Variants in RPL22 observed in about 807,000 individuals in gnomAD.
RPL22 encodes large ribosomal subunit protein eL22.
In RPL22, 4 loss-of-function variants were observed where a neutral mutation model predicts 16.2. The ratio of observed to expected loss-of-function variants is 0.25; its 90% CI spans 0.12 to 0.57. RPL22 has a LOEUF of 0.57. RPL22 is among the 20% of genes least tolerant of loss of function. The pLI, the probability that RPL22 is intolerant of heterozygous loss-of-function variation, is 0.92. For missense variants in RPL22, 83 were observed against 156.1 expected (o/e 0.53, Z 2.49); for synonymous variants, 43 against 54.8 (o/e 0.78, Z 0.95).
intron 2 of RPL22, among the ~76,000 whole-genome samples, chr1:6,194,132 G>T (rs1251024952): frequency 1.3e-5 from 2 of 151,860 alleles, no homozygotes; most frequent in Non-Finnish European, 1.5e-5. Flanking sequence ...CTTGAGCCCA[G>T]GAGGCGGAGG....
chr1:6,199,182 C>T (rs1041078059), intron 1 of RPL22: 2 of 241,704 alleles, frequency 8.3e-6, no homozygotes, highest in Admixed American at 5.6e-5. Flanking sequence ...CGTGGACTTC[C>T]GAATGCGCGG....
Position 6,186,128 on chromosome 1 carries a change from ACAGT to A in RPL22, c.*540_*543del, listed in dbSNP as rs1428436780. 4.3e-6 allele frequency: 1 copy of A among 232,788 alleles called. No homozygotes were observed. Among genetic ancestry groups the A allele is most frequent in the African/African-American group, 2.2e-5 (1 of 45,304 alleles). 14.4% of individuals were successfully genotyped at this position (232,788 alleles called of 1,614,324 possible). A position where few individuals can be genotyped will look rare whatever the true frequency, so the allele number is the denominator to read the frequency against. On this transcript the variant is annotated 3_prime_UTR_variant, in exon 4 of 4. Coordinates refer to ENST00000234875, the MANE Select transcript of RPL22 (RefSeq NM_000983.4). The stretch of plus-strand genomic sequence containing the variant: ...TTTATGGCAGCAACACTGAAGGAGC[ACAGT>A]TTCTCTCTCTAGGAAGAAGAGGATT...
intron 1 of RPL22, chr1:6,199,342 C>G (rs568001525): frequency 3.1e-5 from 40 of 1,288,506 alleles, no homozygotes; most frequent in Admixed American, 3.1e-4. Flanking sequence ...CCCGGGCCTC[C>G]GAGACCTCCC....
chr1:6,196,471 G>T (rs1290422331), intron 2 of RPL22, among the ~76,000 whole-genome samples: 4 of 152,196 alleles, frequency 2.6e-5, no homozygotes, highest in African/African-American at 9.6e-5. Flanking sequence ...TTCCATTCTG[G>T]ATAATTCGTG....
Position 6,185,617 on chromosome 1 carries a change from A to C in RPL22, c.*1055T>G, listed in dbSNP as rs1398408151. On this transcript the variant is annotated 3_prime_UTR_variant, in exon 4 of 4. Transcript: ENST00000234875. The stretch of plus-strand genomic sequence containing the variant: ...TAAAAACATGAATTTTAGACACCGT[A>C]AATTCTAATGCAGACACTTTTGCAT... The C allele has an allele frequency of 8.1e-6, 3 of 369,294 alleles. No homozygotes were observed. In the East Asian group the frequency reaches 1.2e-4, roughly 14 times the overall value. The allele number at this position is 369,294 out of a possible 1,614,324, so 22.9% of individuals were successfully genotyped here.
At position 6,185,153 on chromosome 1, in the gene RPL22, C is replaced by T. The variant is rs936638754; in HGVS notation, c.*1519G>A. On this transcript the variant is annotated 3_prime_UTR_variant, in exon 4 of 4. Transcript: ENST00000234875. ...AAGTTTTCAAATCTGGGACTAGTTT[C>T]TTTTTTTCTTTTAACTGAAATGCCA... The T allele has an allele frequency of 2.5e-6, 1 of 394,822 alleles. No individual in the cohort carries two copies. The highest frequency in any genetic ancestry group is 4.4e-5 in the Admixed American group (1 of 22,628). The allele number at this position is 394,822 out of a possible 1,614,324, so 24.5% of individuals were successfully genotyped here.
At chr1:6,195,384 G>T (rs377622568) in intron 2 of RPL22, among the ~76,000 whole-genome samples, 1 of 149,388 alleles carries the variant, frequency 6.7e-6, no homozygotes, top group Non-Finnish European at 1.5e-5. Flanking sequence ...GGCGGAGCTT[G>T]CAGTGAGCCG....
Position 6,192,995 on chromosome 1 carries a change from C to T in RPL22, c.177G>A (p.Gly59=). ...TCTTGCTCCTTTCGATGGTCACCAC[C>T]CCTCCACCAAGGTTCCCAGCTTTTC... ...VNGKAGNLGG[G]VVTIERSKSK... is the part of the protein sequence containing the mutation. The change falls in exon 3 of 4, where the codon GGG becomes GGA. Residue 59 remains glycine, a synonymous_variant. Transcript: ENST00000234875. 1.2e-6 allele frequency: 2 copies of T among 1,614,076 alleles called. No homozygotes were observed. Among genetic ancestry groups the T allele is most frequent in the Non-Finnish European group, 1.7e-6 (2 of 1,179,956 alleles).
chr1:6,189,420 G>A (rs1451356212), intron 3 of RPL22, among the ~76,000 whole-genome samples: 6 of 152,188 alleles, frequency 3.9e-5, no homozygotes, highest in Admixed American at 3.3e-4. Flanking sequence ...TGACATAGCC[G>A]GACATGGTGG....
intron 3 of RPL22, among the ~76,000 whole-genome samples, chr1:6,187,613 C>CAAAAAAA (rs796081884): frequency 4.1e-5 from 3 of 72,684 alleles, no homozygotes; most frequent in African/African-American, 7.7e-5. Context: ...GACTCCATCT[C>CAAAAAAA]AAAAAAAAAA....
intron 2 of RPL22, among the ~76,000 whole-genome samples, chr1:6,194,808 G>A (rs1369662452): frequency 1.3e-5 from 2 of 151,980 alleles, no homozygotes; most frequent in African/African-American, 4.8e-5. Context: ...GGATCACTTG[G>A]GCCTATGAGG....
intron 2 of RPL22, among the ~76,000 whole-genome samples, chr1:6,196,032 C>T (rs1667715553): frequency 6.6e-6 from 1 of 152,168 alleles, no homozygotes; most frequent in African/African-American, 2.4e-5. Flanking sequence ...CATTGCACTC[C>T]AGCCTGGGCA....
In RPL22 at chr1:6,193,051, G is replaced by T; in HGVS notation, c.121C>A (p.Gln41Lys). The change falls in exon 3 of 4, where the codon CAG becomes AAG. Residue 41 changes from glutamine to lysine, a missense_variant. By Grantham distance (53) the Gln-to-Lys change is moderately conservative. Coordinates refer to ENST00000234875, the MANE Select transcript of RPL22 (RefSeq NM_000983.4). Reference protein sequence around the residue: ...DGIMDAANFEQFLQERIKVNG... With the variant: ...DGIMDAANFEKFLQERIKVNG... The stretch of plus-strand genomic sequence containing the variant: ...ACTTTGATCCTTTCTTGCAAAAACT[G>T]CTCCTGTAGAAATCATTAAATTGAC... The T allele has an allele frequency of 6.2e-7, 1 of 1,614,048 alleles. No individual in the cohort carries two copies.
intron 3 of RPL22, among the ~76,000 whole-genome samples, chr1:6,190,937 T>G (rs1047601644): frequency 6.6e-6 from 1 of 152,142 alleles, no homozygotes; most frequent in Non-Finnish European, 1.5e-5. Flanking sequence ...AAAGGAAAGC[T>G]CTTGGTCAGA....
intron 3 of RPL22, among the ~76,000 whole-genome samples, chr1:6,188,785 C>A (rs1390732908): frequency 6.7e-6 from 1 of 149,528 alleles, no homozygotes; most frequent in Admixed American, 6.7e-5. Context: ...TCAGAGAGAT[C>A]CCTGGCATTT....
intron 3 of RPL22, among the ~76,000 whole-genome samples, chr1:6,192,655 C>T (rs1053937436): frequency 1.3e-5 from 2 of 152,106 alleles, no homozygotes; most frequent in Non-Finnish European, 2.9e-5. Flanking sequence ...GCCGAGATCG[C>T]GCCATTGCAC....
At position 6,192,983 on chromosome 1, in the gene RPL22, G is replaced by C. The variant is rs759423831; in HGVS notation, c.189C>G (p.Ile63Met). ...AGNLGGGVVT[I>M]ERSKSKITVT... ...CGGTGATCTTGCTCTTGCTCCTTTC[G>C]ATGGTCACCACCCCTCCACCAAGGT... Residue 63 changes from isoleucine (I) to methionine (M), a missense_variant, in exon 3 of 4, where the codon ATC (isoleucine) becomes ATG (methionine). By Grantham distance (10) the Ile-to-Met change is conservative. Coordinates refer to ENST00000234875, the MANE Select transcript of RPL22 (RefSeq NM_000983.4). The C allele has an allele frequency of 6.2e-7, 1 of 1,614,022 alleles. No individual in the cohort carries two copies. The highest frequency in any genetic ancestry group is 1.1e-5 in the South Asian group (1 of 91,076).
At chr1:6,192,682 G>T (rs1279384182) in intron 3 of RPL22, among the ~76,000 whole-genome samples, 1 of 152,200 alleles carries the variant, frequency 6.6e-6, no homozygotes, top group Non-Finnish European at 1.5e-5. Flanking sequence ...CTGGGCGATG[G>T]AGTGAGACTC....
chr1:6,199,500 C>T, intron 1 of RPL22, 62 bp downstream of exon 1: 3 of 1,543,012 alleles, frequency 1.9e-6, no homozygotes, highest in Non-Finnish European at 2.6e-6. Context: ...GGGTAGATGC[C>T]GGGCTCGGCG....
Sources: allele counts gnomAD v4.1 joint callset (sites outside exome capture counted in the v4.1 genomes callset), GRCh38; gene constraint gnomAD v4.1.1; transcripts MANE v1.5; gene names NCBI Gene and HGNC (gene_info 2026-07-23, HGNC 2026-07-21).